Variants in TLE6 observed in about 807,000 individuals in gnomAD.
TLE6 encodes transducin-like enhancer protein 6.
Under a neutral mutation model 77.1 loss-of-function variants are expected in TLE6, and 72 were observed. The ratio of observed to expected loss-of-function variants is 0.93; its 90% CI spans 0.77 to 1.14. TLE6 has a LOEUF of 1.14. Ranked by LOEUF, TLE6 falls within the 50% of genes most tolerant of loss-of-function variation. The pLI is 0.00. For missense variants in TLE6, 843 were observed against 747.6 expected, an observed-to-expected ratio of 1.13 and a Z score of -1.49; for synonymous variants, 366 against 287.3, an observed-to-expected ratio of 1.27 and a Z score of -2.77.
Position 2,978,271 on chromosome 19 carries a change from C to A in TLE6, c.38C>A (p.Pro13Gln), listed in dbSNP as rs573404555. ...SRDQPRPKGPPKSTSPCPGIS... is the reference protein window; with the variant it reads ...SRDQPRPKGPQKSTSPCPGIS... ...GACCAGCCCAGACCCAAGGGCCCCCCGAAAAGCACTTCGGTGAGGAGGGCA... is the reference window on the plus strand; with the variant it reads ...GACCAGCCCAGACCCAAGGGCCCCCAGAAAAGCACTTCGGTGAGGAGGGCA... The change falls in exon 2 of 17, where the codon CCG (proline) becomes CAG (glutamine). Residue 13 changes from proline to glutamine, a missense_variant. By Grantham distance (76) the Pro-to-Gln change is moderately conservative. Coordinates refer to ENST00000246112, the MANE Select transcript of TLE6 (RefSeq NM_001143986.2). 28 of 1,551,368 alleles carry A rather than the reference C, an allele frequency of 1.8e-5. No individual in the cohort carries two copies. Among genetic ancestry groups the A allele is most frequent in the African/African-American group, 2.7e-5 (2 of 73,028 alleles).
intron 13 of TLE6, among the ~76,000 whole-genome samples, chr19:2,991,376 G>GTATATATATATATATATA: frequency 9.5e-6 from 1 of 105,548 alleles, no homozygotes; most frequent in African/African-American, 3.6e-5. Context: ...AAAAAAATAC[G>GTATATATATATATATATA]TATATATATA....
intron 5 of TLE6, 48 bp from the exon 6 acceptor site, chr19:2,986,781 C>T (rs1348934571): frequency 6.5e-7 from 1 of 1,537,062 alleles, no homozygotes; most frequent in Admixed American, 2.0e-5. Context: ...GATTGCAAAC[C>T]CTTAACTGCA....
intron 2 of TLE6, among the ~76,000 whole-genome samples, chr19:2,979,328 C>T (rs2088747427): frequency 6.6e-6 from 1 of 151,574 alleles, no homozygotes; most frequent in Non-Finnish European, 1.5e-5. Flanking sequence ...CTCACTGCAA[C>T]CTCCACCTCC....
In TLE6 at chr19:2,987,808, G is replaced by A. The variant is rs1599161810; in HGVS notation, c.625+18G>A. The A allele has an allele frequency of 6.2e-7, 1 of 1,614,136 alleles. No individual in the cohort carries two copies. The highest frequency in any genetic ancestry group is 8.5e-7 in the Non-Finnish European group (1 of 1,180,016). ...TGCCTCCAGTAATCCCAGCGGGCAG[G>A]GGCCGACCGACTCCAGGCGGGATGG... is the stretch of plus-strand genomic sequence containing the variant. On this transcript the variant is annotated intron_variant, in intron 9 of 16. Coordinates refer to ENST00000246112, the MANE Select transcript of TLE6 (RefSeq NM_001143986.2).
intron 5 of TLE6, 22 bp from the exon 6 acceptor site, chr19:2,986,807 T>C: frequency 3.2e-6 from 5 of 1,551,310 alleles, no homozygotes; most frequent in Non-Finnish European, 4.4e-6. Flanking sequence ...ATTTAACTGT[T>C]TTGCTGCCAA....
rs374057039 is a variant in TLE6 at position 2,988,120 on chromosome 19, A to T, written c.732A>T (p.Leu244=). 1 of 1,551,782 alleles carries T rather than the reference A, an allele frequency of 6.4e-7. No individual in the cohort carries two copies. The highest frequency in any genetic ancestry group is 2.0e-5 in the Admixed American group (1 of 51,006). ...QEPPGRASRF[L]QSISWDPEDF... ...CTCCTGGAAGAGCCTCTCGGTTTCT[A>T]CAGTCCATGTAAGTGTCTGCACTGT... Residue 244 remains leucine, a synonymous_variant, in exon 11 of 17, where the codon CTA becomes CTT. Coordinates refer to ENST00000246112, the MANE Select transcript of TLE6 (RefSeq NM_001143986.2).
At chr19:2,984,875 T>C (rs1412346607) in intron 5 of TLE6, among the ~76,000 whole-genome samples, 2 of 152,204 alleles carry the variant, frequency 1.3e-5, no homozygotes, top group Admixed American at 1.3e-4. Flanking sequence ...TCGATTTTAT[T>C]CTGTTTACTG....
At position 2,995,063 on chromosome 19, in the gene TLE6, C is replaced by CCA. The variant is rs1555687658; in HGVS notation, c.*60_*61insAC. On this transcript the variant is annotated 3_prime_UTR_variant, in exon 17 of 17. Coordinates refer to ENST00000246112, the MANE Select transcript of TLE6 (RefSeq NM_001143986.2). ...TCTTTTCATCCCCCCCCTTCCCCCC[C>CCA]CCCAACAAGGGGGACATGGTGGAGG... The CCA allele has an allele frequency of 6.8e-6, 7 of 1,028,362 alleles. No homozygotes were observed. Among genetic ancestry groups the CCA allele is most frequent in the South Asian group, 2.8e-5 (2 of 70,806 alleles). The allele number at this position is 1,028,362 out of a possible 1,614,324, so 63.7% of individuals were successfully genotyped here.
At chr19:2,992,396 C>G (rs545401562) in intron 14 of TLE6, among the ~76,000 whole-genome samples, 4 of 152,130 alleles carry the variant, frequency 2.6e-5, no homozygotes, top group Admixed American at 2.6e-4. Flanking sequence ...CGCTTAAACC[C>G]GGGAGGTGGA....
intron 2 of TLE6, 99 bp from the exon 3 acceptor site, chr19:2,980,001 T>G: frequency 2.2e-6 from 2 of 903,790 alleles, no homozygotes; most frequent in Middle Eastern, 2.3e-4. Context: ...CAATTACTTT[T>G]GCACCAACCT....
At chr19:2,993,942 A>AT in intron 15 of TLE6, 77 bp from the exon 16 acceptor site, 11 of 810,042 alleles carry the variant, frequency 1.4e-5, no homozygotes, top group Non-Finnish European at 1.9e-5. Context: ...AAAAAAAAAA[A>AT]GGTGGGTGGG....
At position 2,978,230 on chromosome 19, in the gene TLE6, G is replaced by A. The variant is rs1421014640; in HGVS notation, c.-4G>A. The A allele has an allele frequency of 1.3e-6, 2 of 1,551,318 alleles. No individual in the cohort carries two copies. Among genetic ancestry groups the A allele is most frequent in the African/African-American group, 1.4e-5 (1 of 73,004 alleles). Reference sequence around the variant, plus strand: ...CTAAAGTCTTGGAGGCTACTGCCTTGAAGATGACCTCTAGGGACCAGCCCA... The same window carrying A: ...CTAAAGTCTTGGAGGCTACTGCCTTAAAGATGACCTCTAGGGACCAGCCCA... On this transcript the variant is annotated 5_prime_UTR_variant, in exon 2 of 17. Coordinates refer to ENST00000246112, the MANE Select transcript of TLE6 (RefSeq NM_001143986.2).
In TLE6 at chr19:2,992,386, C is replaced by T. The variant is rs140544966; in HGVS notation, c.1386+402C>T. Among the ~76,000 whole-genome samples the T allele has an allele frequency of 6.0e-3, 910 of 151,826 alleles. 8 individuals are homozygous for T. Among genetic ancestry groups the T allele is most frequent in the African/African-American group, 0.021 (857 of 41,388 alleles). On this transcript the variant is annotated intron_variant, in intron 14 of 16. Transcript: ENST00000246112. Reference sequence around the variant, plus strand: ...AGTCGGGAGGCTGAGGCAGGAGAATCGCTTAAACCCGGGAGGTGGAGGTTG... The same window carrying T: ...AGTCGGGAGGCTGAGGCAGGAGAATTGCTTAAACCCGGGAGGTGGAGGTTG...
chr19:2,978,531 C>G (rs2088726758), intron 2 of TLE6, among the ~76,000 whole-genome samples: 1 of 152,180 alleles, frequency 6.6e-6, no homozygotes, highest in South Asian at 2.1e-4. Flanking sequence ...AGGAGGACCA[C>G]TTGAGCCCAG....
At chr19:2,990,638 T>C (rs1461281610) in intron 13 of TLE6, among the ~76,000 whole-genome samples, 2 of 124,134 alleles carry the variant, frequency 1.6e-5, no homozygotes, top group South Asian at 4.4e-4. Flanking sequence ...CATATATAAA[T>C]AAATATATAT....
chr19:2,985,399 CTTTTTT>C (rs1158204473), intron 5 of TLE6, among the ~76,000 whole-genome samples: 2 of 89,988 alleles, frequency 2.2e-5, no homozygotes, highest in African/African-American at 4.9e-5. Flanking sequence ...TGCTTGAAGC[CTTTTTT>C]TTTTTTTTTT....
chr19:2,989,166 C>G lies in TLE6; in HGVS notation c.846C>G (p.Ile282Met). 6.2e-7 allele frequency: 1 copy of G among 1,614,160 alleles called. No homozygotes were observed. The highest frequency in any genetic ancestry group is 1.3e-5 in the African/African-American group (1 of 75,070). Reference sequence around the variant, plus strand: ...CGTGCAAACTGGAAAAGATGCGGATCTTGGCACACGGGGAGCTCGTGCTCG... The same window carrying G: ...CGTGCAAACTGGAAAAGATGCGGATGTTGGCACACGGGGAGCTCGTGCTCG... ...AVPCKLEKMR[I>M]LAHGELVLAT... The change falls in exon 12 of 17, where the codon ATC (isoleucine) becomes ATG (methionine). Residue 282 changes from isoleucine to methionine, a missense_variant. Physicochemically the swap from Ile to Met is conservative, Grantham distance 10. Coordinates refer to ENST00000246112, the MANE Select transcript of TLE6 (RefSeq NM_001143986.2).
chr19:2,993,568 A>G lies in TLE6; in HGVS notation c.1523A>G (p.Lys508Arg), dbSNP rs759171798. ...AAAGACAGCGTCATCCTGAGCGTCA[A>G]GTTCTCCCCCTTTGGTAAGCGGCTG... ...GQKDSVILSV[K>R]FSPFGQWWAS... Residue 508 changes from lysine (K) to arginine (R), a missense_variant, in exon 15 of 17, where the codon AAG becomes AGG. Lys to Arg is a conservative substitution (Grantham distance 26, BLOSUM62 2). Coordinates refer to ENST00000246112, the MANE Select transcript of TLE6 (RefSeq NM_001143986.2). The G allele has an allele frequency of 1.3e-6, 2 of 1,569,438 alleles. No homozygotes were observed. Among genetic ancestry groups the G allele is most frequent in the East Asian group, 4.6e-5 (2 of 43,676 alleles).
Position 2,991,749 on chromosome 19 carries a change from G to A in TLE6, c.1245-94G>A, listed in dbSNP as rs559766001. ...GCAGAGATTTTTGGGTGGTGGCACT[G>A]TCCCTTTCATGCCCAAATGTAGTGA... is the stretch of plus-strand genomic sequence containing the variant. On this transcript the variant is annotated intron_variant, in intron 13 of 16. Transcript: ENST00000246112. The A allele has an allele frequency of 7.0e-6, 9 of 1,283,102 alleles. No homozygotes were observed. The South Asian group carries it at 1.0e-4, about 15-fold the overall frequency. The allele number at this position is 1,283,102 out of a possible 1,614,324, so 79.5% of individuals were successfully genotyped here.
Sources: gnomAD v4.1 joint callset for allele counts (sites outside exome capture counted in the v4.1 genomes callset) on GRCh38, gnomAD v4.1.1 for gene constraint, MANE v1.5 for transcripts, NCBI Gene and HGNC (gene_info 2026-07-23, HGNC 2026-07-21) for gene names.